Variants in TAC4 observed in about 807,000 individuals in gnomAD.
The protein encoded by TAC4 is tachykinin precursor 4, also known as tachykinin-4.
A neutral mutation model predicts 17.7 loss-of-function variants in TAC4; 17 were observed. The observed-to-expected ratio is 0.96, with a 90% CI of 0.66 to 1.44. The LOEUF is 1.44. Ranked by LOEUF, TAC4 falls within the 40% of genes most tolerant of loss-of-function variation. The pLI, the probability that TAC4 is intolerant of heterozygous loss-of-function variation, is 0.00. For missense variants in TAC4, 118 were observed against 125.6 expected, an observed-to-expected ratio of 0.94 and a Z score of 0.29; for synonymous variants, 62 against 52.4, an observed-to-expected ratio of 1.18 and a Z score of -0.79.
At chr17:49,843,160 C>T (rs755889261) in intron 2 of TAC4, among the ~76,000 whole-genome samples, 16 of 152,216 alleles carry the variant, frequency 1.1e-4, no homozygotes, top group African/African-American at 3.9e-4. Context: ...ATATTGCGAA[C>T]GTGTCCTCCA....
In TAC4 at chr17:49,848,048, GAGCCCCTCTC is replaced by G. The variant is rs746670307; in HGVS notation, c.-41_-32del. The G allele has an allele frequency of 3.1e-6, 5 of 1,612,056 alleles. No individual in the cohort carries two copies. The highest frequency in any genetic ancestry group is 4.2e-6 in the Non-Finnish European group (5 of 1,179,102). On this transcript the variant is annotated 5_prime_UTR_variant, in exon 1 of 5. Coordinates refer to ENST00000436235, the MANE Select transcript of TAC4 (RefSeq NM_001077506.2). ...GCCTGCACTGTCCTGGAATCTCTGG[GAGCCCCTCTC>G]AGCTTGAAGATGCCTCCTGCAGGCT...
At chr17:49,842,546 T>A (rs1487288070) in intron 2 of TAC4, among the ~76,000 whole-genome samples, 2 of 151,874 alleles carry the variant, frequency 1.3e-5, no homozygotes, top group Middle Eastern at 3.2e-3. Flanking sequence ...AAAAAGAAGT[T>A]TGAAATGGCT....
At chr17:49,840,547 G>T (rs1250858887) in intron 3 of TAC4, among the ~76,000 whole-genome samples, 1 of 152,110 alleles carries the variant, frequency 6.6e-6, no homozygotes, top group Admixed American at 6.5e-5. Context: ...TTGTCGCCCA[G>T]CCTGGAATGC....
chr17:49,839,642 G>A (rs1388359200), intron 4 of TAC4, among the ~76,000 whole-genome samples: 1 of 151,990 alleles, frequency 6.6e-6, no homozygotes, highest in African/African-American at 2.4e-5. Context: ...GGTGTGTCAT[G>A]GGTGGGGAGG....
chr17:49,843,266 C>T lies in TAC4; in HGVS notation c.199+798G>A, dbSNP rs117162938. On this transcript the variant is annotated intron_variant, in intron 2 of 4. Coordinates refer to ENST00000436235, the MANE Select transcript of TAC4 (RefSeq NM_001077506.2). ...ATATTGACAATAAGAGAAAACTGCT[C>T]TGTGTGCAGAGTATTTTCTCCTGGT... Among the ~76,000 whole-genome samples the T allele has an allele frequency of 3.3e-4, 50 of 152,378 alleles. No homozygotes were observed. In the East Asian group the frequency reaches 6.9e-3, roughly 21 times the overall value.
intron 4 of TAC4, among the ~76,000 whole-genome samples, chr17:49,839,507 CGATTAGAGCTTTGCAAA>C (rs2074481037): frequency 1.3e-5 from 2 of 152,158 alleles, no homozygotes; most frequent in African/African-American, 4.8e-5. Context: ...TAACGATCAA[CGATTAGAGCTTTGCAAA>C]CAGTGAGGGA....
At chr17:49,843,373 A>G (rs2074512697) in intron 2 of TAC4, among the ~76,000 whole-genome samples, 1 of 152,220 alleles carries the variant, frequency 6.6e-6, no homozygotes, top group Non-Finnish European at 1.5e-5. Flanking sequence ...AGCCAAAGAA[A>G]ATTGACTAGA....
rs371977990 is a variant in TAC4 at position 49,839,572 on chromosome 17, G to T, written c.292+278C>A. ...CCAAGGTCTGGAAAACTAGGCATCA[G>T]TCCCTGTGGTTTCAGCTGGCCCTGA... On this transcript the variant is annotated intron_variant, in intron 4 of 4. Coordinates refer to ENST00000436235, the MANE Select transcript of TAC4 (RefSeq NM_001077506.2). Among the ~76,000 whole-genome samples the T allele has an allele frequency of 8.5e-5, 13 of 152,370 alleles. No homozygotes were observed. The East Asian group carries it at 1.3e-3, about 16-fold the overall frequency.
At position 49,838,348 on chromosome 17, in the gene TAC4, A is replaced by T. The variant is rs2074471671; in HGVS notation, c.*294T>A. On this transcript the variant is annotated 3_prime_UTR_variant, in exon 5 of 5. Coordinates refer to ENST00000436235, the MANE Select transcript of TAC4 (RefSeq NM_001077506.2). ...GTGCCTACTGTGTGCTAGGCACAGG[A>T]TACAGAGTGTGCGAGTCTCCTCACT... 3.9e-6 allele frequency: 2 copies of T among 509,960 alleles called. No homozygotes were observed. 31.6% of individuals were successfully genotyped at this position (509,960 alleles called of 1,614,324 possible).
chr17:49,839,264 C>T (rs559190793), intron 4 of TAC4, among the ~76,000 whole-genome samples: 7 of 152,116 alleles, frequency 4.6e-5, no homozygotes, highest in South Asian at 2.1e-4. Context: ...CCTGCCGGGG[C>T]GCCCACTGCC....
intron 3 of TAC4, 93 bp from the exon 4 acceptor site, chr17:49,840,002 AG>A (rs942675046): frequency 7.9e-7 from 1 of 1,263,284 alleles, no homozygotes; most frequent in Admixed American, 2.0e-5. Context: ...GGCCAGGGCG[AG>A]GGCCGGGGCC....
At chr17:49,846,185 C>A in intron 1 of TAC4, 1 of 1,288,692 alleles carries the variant, frequency 7.8e-7, no homozygotes, top group Non-Finnish European at 1.0e-6. Flanking sequence ...TCCATTTAAC[C>A]CAAATCCCCA....
chr17:49,847,062 A>G (rs955620320), intron 1 of TAC4: 4 of 1,290,106 alleles, frequency 3.1e-6, no homozygotes, highest in African/African-American at 3.0e-5. Flanking sequence ...AGGACTGTCC[A>G]TGTGATGGCT....
At chr17:49,841,628 C>A in intron 2 of TAC4, 44 bp from the exon 3 acceptor site, 1 of 1,509,538 alleles carries the variant, frequency 6.6e-7, no homozygotes. Flanking sequence ...TGCACTGCTT[C>A]CCTGGGGGCT....
chr17:49,847,318 C>G (rs2074550350), intron 1 of TAC4: 1 of 1,212,282 alleles, frequency 8.2e-7, no homozygotes, highest in Non-Finnish European at 1.1e-6. Flanking sequence ...CTTTGCCTCC[C>G]CAATCAGATT....
At position 49,847,684 on chromosome 17, in the gene TAC4, C is replaced by G. The variant is rs570171744; in HGVS notation, c.105+229G>C. The G allele has an allele frequency of 2.3e-4, 117 of 507,960 alleles. 1 individual carries two copies. The highest frequency in any genetic ancestry group is 8.4e-4 in the South Asian group (40 of 47,778). The allele number at this position is 507,960 out of a possible 1,614,324, so 31.5% of individuals were successfully genotyped here. On this transcript the variant is annotated intron_variant, in intron 1 of 4. Transcript: ENST00000436235. ...TAAGTATTTCTTACACACACACACA[C>G]ACACACAGACACACACACACACACA...
chr17:49,842,498 C>G (rs968166593), intron 2 of TAC4, among the ~76,000 whole-genome samples: 1 of 151,766 alleles, frequency 6.6e-6, no homozygotes, highest in African/African-American at 2.4e-5. Context: ...CCATTGCACT[C>G]CAGCCCGGGT....
chr17:49,847,692 G>GACACACACACACAC (rs150685532), intron 1 of TAC4: 7 of 434,164 alleles, frequency 1.6e-5, no homozygotes, highest in South Asian at 4.6e-5. Flanking sequence ...CACACACACA[G>GACACACACACACAC]ACACACACAC....
intron 3 of TAC4, 135 bp from the exon 4 acceptor site, chr17:49,840,044 C>T: frequency 1.4e-6 from 1 of 697,418 alleles, no homozygotes; most frequent in South Asian, 2.0e-5. Context: ...GGGATCATTT[C>T]TCTGTCATCC....
Sources: allele counts gnomAD v4.1 joint callset (sites outside exome capture counted in the v4.1 genomes callset), GRCh38; gene constraint gnomAD v4.1.1; transcripts MANE v1.5; gene names NCBI Gene and HGNC (gene_info 2026-07-23, HGNC 2026-07-21).